CAPS2: variants seen among roughly 807,000 people sequenced by gnomAD.
The protein encoded by CAPS2 is calcyphosine 2, also known as calcyphosin-2.
A neutral mutation model predicts 86.5 loss-of-function variants in CAPS2; 98 were observed. That is an observed-to-expected ratio of 1.13 (90% CI 0.96 to 1.34). CAPS2 has a LOEUF of 1.34. CAPS2 is among the 40% of genes most tolerant of loss of function. The pLI is 0.00. For synonymous variants in CAPS2, 210 were observed against 225.1 expected, an observed-to-expected ratio of 0.93 and a Z score of 0.60; for missense variants, 729 against 686.8, an observed-to-expected ratio of 1.06 and a Z score of -0.69.
At chr12:75,383,527 AAT>A (rs1354584538) in intron 1 of CAPS2, among the ~76,000 whole-genome samples, 3 of 152,192 alleles carry the variant, frequency 2.0e-5, no homozygotes, top group African/African-American at 7.2e-5. Flanking sequence ...AGAGTGTAGA[AAT>A]ATATGAGACA....
upstream of CAPS2, chr12:75,334,990 A>G: frequency 7.8e-7 from 1 of 1,288,642 alleles, no homozygotes; most frequent in Non-Finnish European, 1.1e-6. Flanking sequence ...ACTTGTACTA[A>G]TTCAATCCGG....
upstream of CAPS2, chr12:75,334,502 G>A: frequency 1.8e-5 from 24 of 1,322,956 alleles, no homozygotes; most frequent in Non-Finnish European, 2.3e-5. Flanking sequence ...ACCAGAGGGC[G>A]ACTCAGAGCT....
chr12:75,385,138 A>G (rs960573467), intron 1 of CAPS2, among the ~76,000 whole-genome samples: 1 of 152,208 alleles, frequency 6.6e-6, no homozygotes, highest in African/African-American at 2.4e-5. Context: ...TCTCAACAGC[A>G]AGAAGGTATT....
chr12:75,278,939 A>G, exon 17 of CAPS2: 3 of 1,606,054 alleles, frequency 1.9e-6, no homozygotes, highest in Non-Finnish European at 2.5e-6. Flanking sequence ...TTCATCATCT[A>G]CTATTCCTAT....
At chr12:75,299,070 T>C (rs2037383628) in intron 9 of CAPS2, 104 bp from the exon 10 acceptor site, 1 of 693,996 alleles carries the variant, frequency 1.4e-6, no homozygotes, top group Non-Finnish European at 2.3e-6. Flanking sequence ...CTCTCTTATG[T>C]ATGTGGCAAT....
intron 1 of CAPS2, among the ~76,000 whole-genome samples, chr12:75,350,386 C>A (rs1233835249): frequency 6.6e-6 from 1 of 152,154 alleles, no homozygotes; most frequent in Non-Finnish European, 1.5e-5. Flanking sequence ...TCCTATTTCC[C>A]CTGACTGGGT....
intron 1 of CAPS2, among the ~76,000 whole-genome samples, chr12:75,382,051 G>A (rs1449071457): frequency 2.0e-5 from 3 of 152,140 alleles, no homozygotes. Context: ...TGGCTTTTAT[G>A]TGTGGATCAT....
chr12:75,304,627 A>C, intron 8 of CAPS2, 130 bp downstream of exon 8: 2 of 650,948 alleles, frequency 3.1e-6, no homozygotes, highest in East Asian at 6.4e-5. Context: ...TGAACTCAAA[A>C]AATTCCACTT....
At chr12:75,282,150 C>T in intron 16 of CAPS2, 101 bp downstream of exon 16, 3 of 709,000 alleles carry the variant, frequency 4.2e-6, no homozygotes, top group South Asian at 3.3e-5. Flanking sequence ...AGTTTATTTC[C>T]TCCCTAATGG....
chr12:75,276,100 A>G (rs1042784926), downstream of CAPS2: 2 of 1,141,378 alleles, frequency 1.8e-6, no homozygotes, highest in Admixed American at 3.7e-5. Flanking sequence ...TCTCATGATC[A>G]GAAACGAATA....
At chr12:75,350,177 C>A (rs1359382756) in intron 1 of CAPS2, among the ~76,000 whole-genome samples, 1 of 152,220 alleles carries the variant, frequency 6.6e-6, no homozygotes. Flanking sequence ...TCTTGCCAGG[C>A]AGGGCCTACC....
At chr12:75,359,306 G>A (rs1361039384) in intron 1 of CAPS2, among the ~76,000 whole-genome samples, 3 of 139,320 alleles carry the variant, frequency 2.2e-5, no homozygotes, top group East Asian at 2.2e-4. Flanking sequence ...ACACAATAGC[G>A]ACATATATGT....
chr12:75,285,844 A>T (rs1340206236), intron 14 of CAPS2, among the ~76,000 whole-genome samples: 1 of 151,948 alleles, frequency 6.6e-6, no homozygotes, highest in African/African-American at 2.4e-5. Context: ...ACCACTAATT[A>T]TATTTCTGCT....
At chr12:75,376,380 TC>T (rs1193367401) in intron 1 of CAPS2, among the ~76,000 whole-genome samples, 1 of 152,146 alleles carries the variant, frequency 6.6e-6, no homozygotes, top group Admixed American at 6.5e-5. Flanking sequence ...CTCAAGCCAT[TC>T]TTTTGGAGTG....
intron 8 of CAPS2, among the ~76,000 whole-genome samples, chr12:75,303,347 G>T (rs1399383995): frequency 6.6e-6 from 1 of 152,166 alleles, no homozygotes; most frequent in Non-Finnish European, 1.5e-5. Context: ...GCTGGACACA[G>T]AGTCTAGATT....
intron 1 of CAPS2, among the ~76,000 whole-genome samples, chr12:75,342,373 G>A (rs921788382): frequency 2.0e-5 from 3 of 151,960 alleles, no homozygotes; most frequent in African/African-American, 7.3e-5. Flanking sequence ...ATTACCATTG[G>A]GAAAAGTAGG....
chr12:75,278,676 A>T (rs1405382834), exon 17 of CAPS2: 2 of 1,245,074 alleles, frequency 1.6e-6, no homozygotes. Context: ...ATACACATGC[A>T]CAAACACTAA....
chr12:75,331,498 A>T (rs545334150), upstream of CAPS2, among the ~76,000 whole-genome samples: 7 of 152,176 alleles, frequency 4.6e-5, no homozygotes, highest in Non-Finnish European at 1.0e-4. Context: ...CATTACCCCC[A>T]CATAGAAAGA....
chr12:75,363,160 AAAG>A (rs1478783691), intron 1 of CAPS2: 13 of 1,546,960 alleles, frequency 8.4e-6, no homozygotes, highest in Non-Finnish European at 1.0e-5. Flanking sequence ...TCTCTGCTCA[AAAG>A]AAGAGAAATG....
Sources: gnomAD v4.1 joint callset for allele counts (sites outside exome capture counted in the v4.1 genomes callset) on GRCh38, gnomAD v4.1.1 for gene constraint, MANE v1.5 for transcripts, NCBI Gene and HGNC (gene_info 2026-07-23, HGNC 2026-07-21) for gene names.